MAGI2: variants seen among roughly 807,000 people sequenced by gnomAD.
MAGI2 encodes the protein membrane associated guanylate kinase, WW and PDZ domain containing 2.
A neutral mutation model predicts 133.3 loss-of-function variants in MAGI2; 35 were observed. The ratio of observed to expected loss-of-function variants is 0.26; its 90% CI spans 0.20 to 0.35. The LOEUF (loss-of-function observed/expected upper bound fraction) is 0.35, where lower values mean the gene tolerates loss of function less well. Ranked by LOEUF, MAGI2 falls within the 10% of genes least tolerant of loss-of-function variation. The probability of loss-of-function intolerance (pLI) is 1.00; values close to 1 mark genes in which losing one functional copy is unlikely to be tolerated. For synonymous variants in MAGI2, 729 were observed against 710.6 expected (o/e 1.03, Z -0.41); for missense variants, 1,636 against 1,863.4 (o/e 0.88, Z 2.25).
intron 1 of MAGI2, among the ~76,000 whole-genome samples, chr7:79,011,640 G>A (rs1352229340): frequency 6.6e-6 from 1 of 152,148 alleles, no homozygotes; most frequent in Non-Finnish European, 1.5e-5. Flanking sequence ...ATAGAGAGGG[G>A]AAAGGTGGGG....
In MAGI2 at chr7:79,081,424, T is replaced by G. The variant is rs147374171; in HGVS notation, c.302-74218A>C. Among the ~76,000 whole-genome samples, 280 of 152,264 alleles carry G rather than the reference T, an allele frequency of 1.8e-3. 1 individual carries two copies. The highest frequency in any genetic ancestry group is 6.5e-3 in the African/African-American group (271 of 41,570). The stretch of plus-strand genomic sequence containing the variant: ...CTATCTCCCTTGCCAAAGTGTATGC[T>G]CCATAAAGCAAGAACAGTATTGGCT... On this transcript the variant is annotated intron_variant, in intron 1 of 21. Coordinates refer to ENST00000354212, the MANE Select transcript of MAGI2 (RefSeq NM_012301.4).
intron 2 of MAGI2, among the ~76,000 whole-genome samples, chr7:78,896,283 G>A (rs1797206046): frequency 6.6e-6 from 1 of 151,470 alleles, no homozygotes; most frequent in Non-Finnish European, 1.5e-5. Context: ...CTATCTTTAG[G>A]CTCATGTTTA....
At chr7:78,691,852 A>G (rs1199887798) in intron 2 of MAGI2, among the ~76,000 whole-genome samples, 21 of 152,188 alleles carry the variant, frequency 1.4e-4, no homozygotes, top group Non-Finnish European at 2.4e-4. Context: ...CATTTGTCCA[A>G]TCTCATAGAA....
At chr7:79,301,614 T>C (rs1563093728) in intron 1 of MAGI2, among the ~76,000 whole-genome samples, 1 of 152,212 alleles carries the variant, frequency 6.6e-6, no homozygotes, top group Non-Finnish European at 1.5e-5. Context: ...GATGAGACTT[T>C]GGACTTTGAA....
intron 2 of MAGI2, among the ~76,000 whole-genome samples, chr7:78,870,356 A>G (rs1313434597): frequency 6.3e-5 from 2 of 31,562 alleles, no homozygotes; most frequent in African/African-American, 1.2e-4. Flanking sequence ...CCTGTCTCAG[A>G]AAAAAAAAAA....
chr7:78,481,872 T>A (rs1212482561), intron 6 of MAGI2, among the ~76,000 whole-genome samples: 1 of 151,926 alleles, frequency 6.6e-6, no homozygotes, highest in Non-Finnish European at 1.5e-5. Flanking sequence ...TTAGACTTGA[T>A]ACCAAAAGTC....
At chr7:79,272,133 GT>G in intron 1 of MAGI2, among the ~76,000 whole-genome samples, 1 of 152,142 alleles carries the variant, frequency 6.6e-6, no homozygotes, top group African/African-American at 2.4e-5. Context: ...TAAAATGTAT[GT>G]ATTAAAACTT....
intron 21 of MAGI2, among the ~76,000 whole-genome samples, chr7:78,046,686 T>C (rs2151097690): frequency 6.6e-6 from 1 of 152,274 alleles, no homozygotes; most frequent in South Asian, 2.1e-4. Context: ...AAGCAACTCA[T>C]GATAGCTCTA....
intron 2 of MAGI2, among the ~76,000 whole-genome samples, chr7:78,895,831 A>G (rs1797172934): frequency 6.6e-6 from 1 of 152,224 alleles, no homozygotes; most frequent in African/African-American, 2.4e-5. Flanking sequence ...TTTTGAGGAA[A>G]AAGGGTGTTC....
At chr7:78,823,532 C>G (rs1225158068) in intron 2 of MAGI2, among the ~76,000 whole-genome samples, 2 of 146,522 alleles carry the variant, frequency 1.4e-5, no homozygotes, top group Non-Finnish European at 1.5e-5. Flanking sequence ...GCAGTGAGCC[C>G]GGATCGCGCC....
intron 16 of MAGI2, among the ~76,000 whole-genome samples, chr7:78,138,047 T>C (rs1308733317): frequency 6.6e-6 from 1 of 152,244 alleles, no homozygotes; most frequent in Non-Finnish European, 1.5e-5. Flanking sequence ...ATAGCAGTTA[T>C]TAATTTGTCC....
At chr7:78,379,575 G>A (rs1340077065) in intron 6 of MAGI2, among the ~76,000 whole-genome samples, 1 of 151,962 alleles carries the variant, frequency 6.6e-6, no homozygotes, top group Admixed American at 6.6e-5. Flanking sequence ...GAGCTGTGAG[G>A]AAAAACACAC....
At chr7:78,228,582 A>G (rs763410660) in intron 10 of MAGI2, among the ~76,000 whole-genome samples, 1 of 152,246 alleles carries the variant, frequency 6.6e-6, no homozygotes, top group Non-Finnish European at 1.5e-5. Flanking sequence ...GCTTTAAATC[A>G]GCATTTTAGA....
intron 21 of MAGI2, among the ~76,000 whole-genome samples, chr7:78,052,837 G>A (rs1351614180): frequency 1.3e-5 from 2 of 150,824 alleles, no homozygotes; most frequent in Non-Finnish European, 3.0e-5. Flanking sequence ...GGAAGATACA[G>A]CTTCAAGGAT....
intron 1 of MAGI2, among the ~76,000 whole-genome samples, chr7:79,059,397 C>T (rs185922127): frequency 6.6e-6 from 1 of 152,000 alleles, no homozygotes; most frequent in African/African-American, 2.4e-5. Flanking sequence ...AATGAGAAAG[C>T]ATAGGTTAAA....
chr7:79,153,205 C>A (rs1466371254), intron 1 of MAGI2, among the ~76,000 whole-genome samples: 1 of 152,052 alleles, frequency 6.6e-6, no homozygotes, highest in Non-Finnish European at 1.5e-5. Context: ...GATTAAAATT[C>A]TTAGTTCTTC....
intron 2 of MAGI2, among the ~76,000 whole-genome samples, chr7:78,757,687 C>T (rs552291890): frequency 4.2e-4 from 64 of 152,198 alleles, no homozygotes; most frequent in African/African-American, 1.5e-3. Flanking sequence ...GAGGACACCA[C>T]TCTCTCTCTT....
Position 78,501,746 on chromosome 7 carries a change from C to T in MAGI2, c.796G>A (p.Glu266Lys), listed in dbSNP as rs765838680. The change falls in exon 5 of 22, where the codon GAG (glutamate) becomes AAG (lysine). Residue 266 changes from glutamate (E) to lysine (K), a missense_variant. By Grantham distance (56) the Glu-to-Lys change is moderately conservative (BLOSUM62 1). Transcript: ENST00000354212. The stretch of plus-strand genomic sequence containing the variant: ...GCAGGATAAGGCTGGGAGGGCATCT[C>T]CCCTGAGGCACCTGCACTTTTGTCT... The part of the protein sequence containing the change: ...HEDKSAGASG[E>K]MPSQPYPAPV... 1 of 1,614,002 alleles carries T rather than the reference C, an allele frequency of 6.2e-7. No individual in the cohort carries two copies. The highest frequency in any genetic ancestry group is 1.1e-5 in the South Asian group (1 of 91,074).
At chr7:78,574,460 G>A (rs1340474905) in intron 3 of MAGI2, among the ~76,000 whole-genome samples, 2 of 152,128 alleles carry the variant, frequency 1.3e-5, no homozygotes, top group Non-Finnish European at 1.5e-5. Flanking sequence ...TCAGGAATAA[G>A]CAGAAATTAA....
Sources: allele counts gnomAD v4.1 joint callset (sites outside exome capture counted in the v4.1 genomes callset), GRCh38; gene constraint gnomAD v4.1.1; transcripts MANE v1.5; gene names NCBI Gene and HGNC (gene_info 2026-07-23, HGNC 2026-07-21).